The following APOOL variants were observed in gnomAD, a reference collection of about 807,000 sequenced individuals.
APOOL encodes MICOS complex subunit MIC27.
In APOOL, 12 loss-of-function variants were observed where a neutral mutation model predicts 23.1. The observed-to-expected ratio is 0.52, with a 90% confidence interval of 0.33 to 0.84. The LOEUF is 0.84. Ranked by LOEUF, APOOL falls within the 40% of genes least tolerant of loss-of-function variation. The pLI is 0.02. For missense variants in APOOL, 212 were observed against 199.6 expected, an observed-to-expected ratio of 1.06 and a Z score of -0.37; for synonymous variants, 77 against 69.9, an observed-to-expected ratio of 1.10 and a Z score of -0.51.
At chrX:85,046,711 A>G (rs182788686) in intron 2 of APOOL, among the ~76,000 whole-genome samples, 161 bp downstream of exon 2, 26 of 112,265 alleles carry the variant, frequency 2.3e-4, no homozygotes, top group African/African-American at 7.1e-4. Flanking sequence ...TCAAAAGACA[A>G]TATGTAACTC....
chrX:85,076,758 T>G (rs1219993611), intron 8 of APOOL, among the ~76,000 whole-genome samples: 1 of 109,253 alleles, frequency 9.2e-6, no homozygotes, highest in Admixed American at 1.0e-4. Context: ...GTTGTGGCTC[T>G]GAATATGAGT....
rs372065666 is a variant in APOOL, at chrX:85,062,316, G to A, written c.395-4811G>A. On this transcript the variant is annotated intron_variant, in intron 5 of 8. Transcript: ENST00000373173. Reference sequence around the variant, plus strand: ...GCAAAAATTTTCTCCCATTCTGTACGTTGTCTGTTCACTCTGATGATGGTT... The same window carrying A: ...GCAAAAATTTTCTCCCATTCTGTACATTGTCTGTTCACTCTGATGATGGTT... 3.6e-5 allele frequency among the ~76,000 whole-genome samples: 4 copies of A among 111,165 alleles called. No homozygotes were observed. The South Asian group carries it at 1.1e-3, about 31-fold the overall frequency.
intron 5 of APOOL, among the ~76,000 whole-genome samples, chrX:85,058,727 C>T (rs1923069534): frequency 9.0e-6 from 1 of 111,385 alleles, no homozygotes. Flanking sequence ...CACAACTTCA[C>T]CAACATCTGT....
At position 85,008,315 on chromosome X, in the gene APOOL, C is replaced by G. The variant is rs140246454; in HGVS notation, c.15+4388C>G. ...AAAGTTTGTGCCCTTTGGCCAACCT[C>G]CCAACCTCTCGCCTTTCCTTTACCT... On this transcript the variant is annotated intron_variant, in intron 1 of 8. Coordinates refer to ENST00000373173, the MANE Select transcript of APOOL (RefSeq NM_198450.6). Among the ~76,000 whole-genome samples the G allele has an allele frequency of 6.7e-3, 744 of 111,364 alleles. 10 individuals carry two copies. Among genetic ancestry groups the G allele is most frequent in the African/African-American group, 0.023 (703 of 30,618 alleles).
rs759581814 is a variant in APOOL, at chrX:85,089,995, T to A, written c.*2317T>A. ...AAAAAAAAAAAAGGCCTATCCTATT[T>A]ATAGCCTAGAATTAGGCAGTATAGG... On this transcript the variant is annotated 3_prime_UTR_variant, in exon 9 of 9. Coordinates refer to ENST00000373173, the MANE Select transcript of APOOL (RefSeq NM_198450.6). 4.5e-5 allele frequency: 5 copies of A among 109,908 alleles called. No homozygotes were observed. Among genetic ancestry groups the A allele is most frequent in the Admixed American group, 2.0e-4 (2 of 10,183 alleles). The allele number at this position is 109,908 out of a possible 1,213,427, so 9.1% of individuals were successfully genotyped here.
Position 85,093,114 on chromosome X carries a change from A to G in APOOL, c.*5436A>G. 1 of 1,001,175 alleles carries G rather than the reference A, an allele frequency of 1.0e-6. No homozygotes were observed. The highest frequency in any genetic ancestry group is 2.2e-5 in the South Asian group (1 of 44,725). The allele number at this position is 1,001,175 out of a possible 1,213,427, so 82.5% of individuals were successfully genotyped here. ...TTCAAATGGTGAGATTAATGATTTA[A>G]TTTATGCCCTGTGAATATTTATTAA... On this transcript the variant is annotated 3_prime_UTR_variant, in exon 9 of 9. Coordinates refer to ENST00000373173, the MANE Select transcript of APOOL (RefSeq NM_198450.6).
At chrX:85,052,943 TC>T (rs1922831588) in intron 3 of APOOL, among the ~76,000 whole-genome samples, 1 of 112,109 alleles carries the variant, frequency 8.9e-6, no homozygotes, top group African/African-American at 3.2e-5. Flanking sequence ...AATGTTTTAT[TC>T]CATTAATATG....
At chrX:85,039,420 TA>T (rs1011919137) in intron 1 of APOOL, among the ~76,000 whole-genome samples, 3 of 111,089 alleles carry the variant, frequency 2.7e-5, no homozygotes, top group African/African-American at 9.8e-5. Context: ...AGATGTCTGT[TA>T]GATCCATATG....
At chrX:85,048,725 T>C (rs766660041) in intron 2 of APOOL, among the ~76,000 whole-genome samples, 1 of 112,131 alleles carries the variant, frequency 8.9e-6, no homozygotes, top group Non-Finnish European at 1.9e-5. Flanking sequence ...GAATGAAGTG[T>C]TCTGGTTATT....
chrX:85,081,801 T>C (rs1424293024), intron 8 of APOOL, among the ~76,000 whole-genome samples: 3 of 111,812 alleles, frequency 2.7e-5, no homozygotes, highest in Non-Finnish European at 5.6e-5. Context: ...TTTACTCTTT[T>C]GTCTCTAAAC....
rs1254155393 is a variant in APOOL at position 85,030,129 on chromosome X, G to A, written c.16-16317G>A. On this transcript the variant is annotated intron_variant, in intron 1 of 8. Coordinates refer to ENST00000373173, the MANE Select transcript of APOOL (RefSeq NM_198450.6). The stretch of plus-strand genomic sequence containing the variant: ...CTAAATGCCCATCAACCAATGAATA[G>A]ATCAAGAAAATGTGGTATATATACA... 2.7e-5 allele frequency among the ~76,000 whole-genome samples: 3 copies of A among 111,710 alleles called. No homozygotes were observed. In the Admixed American group the frequency reaches 2.8e-4, roughly 11 times the overall value.
At chrX:85,021,701 A>T (rs1020643865) in intron 1 of APOOL, among the ~76,000 whole-genome samples, 3 of 111,986 alleles carry the variant, frequency 2.7e-5, no homozygotes, top group African/African-American at 9.8e-5. Flanking sequence ...GGAAAAACAA[A>T]CAAACAAACA....
chrX:85,083,186 A>G (rs1357532322), intron 8 of APOOL, among the ~76,000 whole-genome samples: 3 of 111,595 alleles, frequency 2.7e-5, no homozygotes, highest in Non-Finnish European at 5.6e-5. Flanking sequence ...AATGTCCAGT[A>G]TACAAACAAA....
intron 8 of APOOL, among the ~76,000 whole-genome samples, chrX:85,085,423 G>A (rs756804437): frequency 8.9e-6 from 1 of 111,837 alleles, no homozygotes; most frequent in East Asian, 2.8e-4. Context: ...ATTCTATGGA[G>A]AGCTGCATTA....
chrX:85,056,385 TAAAAA>T (rs1010671374), intron 5 of APOOL, among the ~76,000 whole-genome samples: 1 of 111,313 alleles, frequency 9.0e-6, no homozygotes, highest in African/African-American at 3.3e-5. Context: ...CTTAAGATCT[TAAAAA>T]AAAGTTACCT....
chrX:85,077,023 A>G (rs1923867590), intron 8 of APOOL, among the ~76,000 whole-genome samples: 1 of 98,232 alleles, frequency 1.0e-5, no homozygotes, highest in Non-Finnish European at 2.0e-5. Flanking sequence ...ATATACGTAT[A>G]TATATGTATG....
chrX:85,081,317 G>T (rs1414570756), intron 8 of APOOL, among the ~76,000 whole-genome samples: 1 of 111,471 alleles, frequency 9.0e-6, no homozygotes, highest in Non-Finnish European at 1.9e-5. Context: ...TTGCTTGTTT[G>T]TAAAGGATTT....
intron 5 of APOOL, among the ~76,000 whole-genome samples, chrX:85,059,746 T>G (rs1353052171): frequency 9.0e-6 from 1 of 111,251 alleles, no homozygotes; most frequent in Non-Finnish European, 1.9e-5. Flanking sequence ...TCTTGTAAAT[T>G]TGTTTGAGTT....
intron 6 of APOOL, among the ~76,000 whole-genome samples, chrX:85,070,791 C>A (rs1477162892): frequency 9.3e-6 from 1 of 107,955 alleles, no homozygotes; most frequent in Admixed American, 1.0e-4. Context: ...CTCCATTCTA[C>A]TCTCTGCTTC....
Sources: allele counts gnomAD v4.1 joint callset (sites outside exome capture counted in the v4.1 genomes callset), GRCh38; gene constraint gnomAD v4.1.1; transcripts MANE v1.5; gene names NCBI Gene and HGNC (gene_info 2026-07-23, HGNC 2026-07-21).